SETMAR: variants seen among roughly 807,000 people sequenced by gnomAD.
SETMAR encodes histone-lysine N-methyltransferase SETMAR.
Under a neutral mutation model 58.4 loss-of-function variants are expected in SETMAR, and 44 were observed. The observed-to-expected ratio is 0.75, with a 90% confidence interval of 0.59 to 0.97. The LOEUF is 0.97. SETMAR is among the 50% of genes least tolerant of loss of function. The probability of loss-of-function intolerance (pLI) is 0.00; values close to 1 mark genes in which losing one functional copy is unlikely to be tolerated. For missense variants in SETMAR, 903 were observed against 840.2 expected (o/e 1.07, Z -0.92); for synonymous variants, 332 against 307.4 (o/e 1.08, Z -0.84).
rs953089431 is a variant in SETMAR, at chr3:4,312,615, G to A, written c.157-283G>A. 3.0e-4 allele frequency among the ~76,000 whole-genome samples: 45 copies of A among 151,236 alleles called. 1 individual carries two copies. Among genetic ancestry groups the A allele is most frequent in the Non-Finnish European group, 1.3e-4 (9 of 67,960 alleles). ...AGCTGTAGCAGCTAAGGAAGCTGAG[G>A]CAGGAGAATCGCTTGAGCCCAGGTT... On this transcript the variant is annotated intron_variant, in intron 1 of 2. Transcript: ENST00000358065.
intron 2 of SETMAR, 23 bp downstream of exon 2, chr3:4,313,784 A>G: frequency 6.2e-7 from 1 of 1,613,376 alleles, no homozygotes; most frequent in Non-Finnish European, 8.5e-7. Flanking sequence ...AGTGATAAGC[A>G]GCTTGCCCCT....
At position 4,312,984 on chromosome 3, in the gene SETMAR, C is replaced by CG; in HGVS notation, c.243_244insG (p.Cys82ValfsTer16). 6.2e-7 allele frequency: 1 copy of CG among 1,614,028 alleles called. No individual in the cohort carries two copies. The highest frequency in any genetic ancestry group is 8.5e-7 in the Non-Finnish European group (1 of 1,179,948). On this transcript the variant is annotated frameshift_variant, in exon 2 of 3. Coordinates refer to ENST00000358065, the MANE Select transcript of SETMAR (RefSeq NM_006515.4). LOFTEE classifies it high-confidence loss of function. Reference sequence around the variant, plus strand: ...CCGGATGCATTTGTGTCAAAACTCCCTGCCTCCCTGGCACTTGCTCCTGTC... The same window carrying CG: ...CCGGATGCATTTGTGTCAAAACTCCCGTGCCTCCCTGGCACTTGCTCCTGTC...
At position 4,308,527 on chromosome 3, in the gene SETMAR, C is replaced by T. The variant is rs113382810; in HGVS notation, c.157-4371C>T. ...ATAAAGTGCCTGACATGGAGTACAG[C>T]ATTATTTCATTAAAATTTCATGATA... On this transcript the variant is annotated intron_variant, in intron 1 of 2. Transcript: ENST00000358065. Among the ~76,000 whole-genome samples, 3 of 152,298 alleles carry T rather than the reference C, an allele frequency of 2.0e-5. 1 individual carries two copies. Among genetic ancestry groups the T allele is most frequent in the African/African-American group, 7.2e-5 (3 of 41,574 alleles).
chr3:4,313,798 T>A, intron 2 of SETMAR, 37 bp downstream of exon 2: 1 of 1,611,988 alleles, frequency 6.2e-7, no homozygotes, highest in East Asian at 2.2e-5. Flanking sequence ...TGCCCCTCCC[T>A]ATAGTGGAAG....
chr3:4,306,167 T>A (rs2125076927), intron 1 of SETMAR, among the ~76,000 whole-genome samples: 1 of 152,326 alleles, frequency 6.6e-6, no homozygotes, highest in African/African-American at 2.4e-5. Context: ...TTTGAGACTA[T>A]TCTATAAATC....
In SETMAR at chr3:4,316,588, A is replaced by C. The variant is rs1698660246; in HGVS notation, c.1397A>C (p.Glu466Ala). 1 of 1,551,506 alleles carries C rather than the reference A, an allele frequency of 6.4e-7. No individual in the cohort carries two copies. Among genetic ancestry groups the C allele is most frequent in the Non-Finnish European group, 8.7e-7 (1 of 1,146,890 alleles). Residue 466 changes from glutamate to alanine, a missense_variant, in exon 3 of 3, where the codon GAA becomes GCA. Glu to Ala is a moderately radical substitution (Grantham distance 107, BLOSUM62 -1). Transcript: ENST00000358065. ...AAGTGGGTGCCTCATGAGCTGACTG[A>C]AAATCAAAAAAATCGTCGTTTTGAA... ...LDKWVPHELTENQKNRRFEVS... is the reference protein window; with the variant it reads ...LDKWVPHELTANQKNRRFEVS...
rs753838651 is a variant in SETMAR, at chr3:4,316,770, C to T, written c.1579C>T (p.His527Tyr). The T allele has an allele frequency of 6.4e-7, 1 of 1,550,744 alleles. No individual in the cohort carries two copies. Among genetic ancestry groups the T allele is most frequent in the South Asian group, 1.2e-5 (1 of 84,050 alleles). Residue 527 changes from histidine (H) to tyrosine (Y), a missense_variant, in exon 3 of 3, where the codon CAC (histidine) becomes TAC (tyrosine). Physicochemically the swap from His to Tyr is moderately conservative, Grantham distance 83. Transcript: ENST00000358065. ...AAAGCACTTCCCAAAGCCAATCTTG[C>T]ACCCAAAAAAGGTCATGGTCACTAT... ...APKHFPKPILHPKKVMVTIWW... is the reference protein window; with the variant it reads ...APKHFPKPILYPKKVMVTIWW...
rs1698487266 is a variant in SETMAR at position 4,313,191 on chromosome 3, C to T, written c.450C>T (p.Gly150=). 2 of 1,613,846 alleles carry T rather than the reference C, an allele frequency of 1.2e-6. No homozygotes were observed. Among genetic ancestry groups the T allele is most frequent in the African/African-American group, 2.7e-5 (2 of 74,896 alleles). ...HFQVFKTHKK[G]WGLRTLEFIP... ...AAGTGTTCAAGACGCATAAAAAAGG[C>T]TGGGGACTTCGTACCTTGGAATTTA... The change falls in exon 2 of 3, where the codon GGC becomes GGT. Residue 150 remains glycine (G), a synonymous_variant. Transcript: ENST00000358065.
At chr3:4,316,163 T>C in intron 2 of SETMAR, 49 bp from the exon 3 acceptor site, 1 of 633,476 alleles carries the variant, frequency 1.6e-6, no homozygotes, top group East Asian at 2.7e-5. Context: ...AGCATTTCTT[T>C]ATGTTTTTTT....
intron 1 of SETMAR, among the ~76,000 whole-genome samples, chr3:4,309,082 C>T (rs1312021836): frequency 6.6e-6 from 1 of 152,146 alleles, no homozygotes; most frequent in Non-Finnish European, 1.5e-5. Flanking sequence ...TAACAGTTTG[C>T]TTGAAGGAAT....
chr3:4,305,383 G>A (rs1439442980), intron 1 of SETMAR, among the ~76,000 whole-genome samples: 2 of 152,180 alleles, frequency 1.3e-5, no homozygotes, highest in Non-Finnish European at 2.9e-5. Context: ...ACCGCACCCG[G>A]CCATGTAGAG....
At chr3:4,308,323 G>C (rs866538441) in intron 1 of SETMAR, among the ~76,000 whole-genome samples, 3 of 152,244 alleles carry the variant, frequency 2.0e-5, no homozygotes, top group East Asian at 3.9e-4. Context: ...TATTGAACAC[G>C]TACATGCTAA....
intron 1 of SETMAR, among the ~76,000 whole-genome samples, chr3:4,307,135 G>A (rs891357344): frequency 6.6e-6 from 1 of 152,180 alleles, no homozygotes; most frequent in Non-Finnish European, 1.5e-5. Context: ...AAGGAATGAA[G>A]ATTTTCACAA....
At chr3:4,306,169 C>G (rs1352560100) in intron 1 of SETMAR, among the ~76,000 whole-genome samples, 3 of 152,174 alleles carry the variant, frequency 2.0e-5, no homozygotes, top group African/African-American at 7.2e-5. Context: ...TGAGACTATT[C>G]TATAAATCTG....
chr3:4,303,735 T>G (rs937976064), intron 1 of SETMAR: 27 of 1,493,900 alleles, frequency 1.8e-5, no homozygotes, highest in Non-Finnish European at 2.4e-5. Context: ...TGTTGTCCTT[T>G]TCAGTCCATT....
chr3:4,315,595 G>C (rs1049593843), intron 2 of SETMAR, among the ~76,000 whole-genome samples: 1 of 152,040 alleles, frequency 6.6e-6, no homozygotes, highest in Non-Finnish European at 1.5e-5. Context: ...TTTATTCCAA[G>C]TCTTTTCTAA....
Position 4,316,611 on chromosome 3 carries a change from G to A in SETMAR, c.1420G>A (p.Glu474Lys). 1 of 1,551,204 alleles carries A rather than the reference G, an allele frequency of 6.4e-7. No homozygotes were observed. Among genetic ancestry groups the A allele is most frequent in the East Asian group, 2.4e-5 (1 of 40,912 alleles). Residue 474 changes from glutamate (E) to lysine (K), a missense_variant, in exon 3 of 3, where the codon GAA becomes AAA. Transcript: ENST00000358065. ...TGAAAATCAAAAAAATCGTCGTTTT[G>A]AAGTGTCATCTTCTCTTATTCTACG... ...LTENQKNRRF[E>K]VSSSLILRNH...
intron 1 of SETMAR, among the ~76,000 whole-genome samples, chr3:4,309,012 G>A (rs559489329): frequency 5.6e-4 from 85 of 152,298 alleles, no homozygotes; most frequent in Admixed American, 9.1e-4. Context: ...CATGTAAAAC[G>A]TACATTGGTT....
chr3:4,306,084 C>T (rs533434074), intron 1 of SETMAR, among the ~76,000 whole-genome samples: 158 of 152,222 alleles, frequency 1.0e-3, no homozygotes, highest in African/African-American at 3.5e-3. Flanking sequence ...AACAGAAAAA[C>T]GCACTCTACC....
Sources: gnomAD v4.1 joint callset for allele counts (sites outside exome capture counted in the v4.1 genomes callset) on GRCh38, gnomAD v4.1.1 for gene constraint, MANE v1.5 for transcripts, NCBI Gene and HGNC (gene_info 2026-07-23, HGNC 2026-07-21) for gene names.